The following CDK14 variants were observed in gnomAD, a reference collection of about 807,000 sequenced individuals.
The protein encoded by CDK14 is cyclin dependent kinase 14.
CDK14 carries 34 observed loss-of-function variants against 60.7 expected under a neutral mutation model. The observed-to-expected ratio is 0.56, with a 90% confidence interval of 0.43 to 0.75. The LOEUF (loss-of-function observed/expected upper bound fraction) is 0.75, where lower values mean the gene tolerates loss of function less well. Ranked by LOEUF, CDK14 falls within the 30% of genes least tolerant of loss-of-function variation. The probability of loss-of-function intolerance (pLI) is 0.00; values close to 1 mark genes in which losing one functional copy is unlikely to be tolerated. For synonymous variants in CDK14, 197 were observed against 203.7 expected (o/e 0.97, Z 0.28); for missense variants, 482 against 564.1 (o/e 0.85, Z 1.47).
intron 11 of CDK14, among the ~76,000 whole-genome samples, chr7:91,064,029 A>G (rs1255816663): frequency 6.6e-6 from 1 of 152,158 alleles, no homozygotes; most frequent in Non-Finnish European, 1.5e-5. Flanking sequence ...GCATGGAATG[A>G]TTAAGTAATC....
At chr7:91,023,200 C>G (rs1485104733) in intron 10 of CDK14, among the ~76,000 whole-genome samples, 1 of 152,112 alleles carries the variant, frequency 6.6e-6, no homozygotes, top group Non-Finnish European at 1.5e-5. Flanking sequence ...ATGTTCATGT[C>G]AAGACTTGTC....
chr7:90,757,161 T>A (rs1365819396), intron 4 of CDK14, among the ~76,000 whole-genome samples: 16 of 151,834 alleles, frequency 1.1e-4, no homozygotes, highest in Non-Finnish European at 1.5e-5. Context: ...ATTCCTGGCT[T>A]GCAGGTGCAT....
At chr7:91,206,330 G>A (rs1329633912) in intron 14 of CDK14, among the ~76,000 whole-genome samples, 3 of 152,180 alleles carry the variant, frequency 2.0e-5, no homozygotes, top group African/African-American at 7.2e-5. Context: ...GAGACATGAA[G>A]GCCTCACCAG....
chr7:90,674,241 A>G (rs574643004), intron 2 of CDK14, among the ~76,000 whole-genome samples: 6 of 152,356 alleles, frequency 3.9e-5, no homozygotes, highest in East Asian at 3.9e-4. Flanking sequence ...ACAGCCATGT[A>G]TTAATTACTG....
chr7:91,028,110 T>A (rs1796652546), intron 10 of CDK14, among the ~76,000 whole-genome samples: 1 of 150,560 alleles, frequency 6.6e-6, no homozygotes, highest in Non-Finnish European at 1.5e-5. Flanking sequence ...TGCATACCTA[T>A]AGCTTAGCTC....
intron 12 of CDK14, among the ~76,000 whole-genome samples, chr7:91,093,239 C>G (rs1798882666): frequency 6.6e-6 from 1 of 152,096 alleles, no homozygotes; most frequent in African/African-American, 2.4e-5. Context: ...TGAGGATGAC[C>G]AAGTAGAAAG....
chr7:90,929,209 T>C (rs1793515480), intron 8 of CDK14, among the ~76,000 whole-genome samples: 1 of 152,232 alleles, frequency 6.6e-6, no homozygotes, highest in South Asian at 2.1e-4. Flanking sequence ...CTCCGTGGGC[T>C]GCACCCAGTG....
At chr7:91,005,253 C>G (rs540183715) in intron 10 of CDK14, among the ~76,000 whole-genome samples, 45 of 152,352 alleles carry the variant, frequency 3.0e-4, no homozygotes, top group Non-Finnish European at 7.3e-5. Context: ...CTGACAAGGG[C>G]TGGAAAGCTG....
intron 10 of CDK14, among the ~76,000 whole-genome samples, chr7:90,993,762 TA>T (rs1395046628): frequency 6.6e-6 from 1 of 152,236 alleles, no homozygotes; most frequent in Non-Finnish European, 1.5e-5. Flanking sequence ...ATCTATTTTT[TA>T]TCTGAGACAT....
At chr7:90,945,397 T>G (rs1351040026) in intron 8 of CDK14, among the ~76,000 whole-genome samples, 1 of 152,168 alleles carries the variant, frequency 6.6e-6, no homozygotes, top group South Asian at 2.1e-4. Context: ...GGGTGTTCGA[T>G]GAAGGGACTG....
intron 9 of CDK14, among the ~76,000 whole-genome samples, chr7:90,977,545 TAGG>T (rs1166256338): frequency 6.6e-6 from 1 of 152,102 alleles, no homozygotes; most frequent in Non-Finnish European, 1.5e-5. Context: ...GCTTTAAGAC[TAGG>T]AGATCAATTT....
At chr7:90,709,476 C>A in intron 2 of CDK14, 3 of 1,588,912 alleles carry the variant, frequency 1.9e-6, no homozygotes, top group Non-Finnish European at 2.6e-6. Flanking sequence ...TCTTCTGAAG[C>A]AGCCCTGCAT....
At chr7:90,752,599 A>G (rs1803890486) in intron 4 of CDK14, among the ~76,000 whole-genome samples, 1 of 152,202 alleles carries the variant, frequency 6.6e-6, no homozygotes, top group Admixed American at 6.5e-5. Flanking sequence ...CTCCTAGAGG[A>G]ACTAGAAAAA....
chr7:90,989,199 C>T (rs1411593568), intron 10 of CDK14, among the ~76,000 whole-genome samples: 1 of 152,130 alleles, frequency 6.6e-6, no homozygotes, highest in African/African-American at 2.4e-5. Context: ...GTCTTTAGAA[C>T]TGGAACCATA....
At position 91,062,212 on chromosome 7, in the gene CDK14, C is replaced by A. The variant is rs570879428; in HGVS notation, c.1105+16252C>A. ...GACCCTCCGAGCCAGGTGTGGGATA[C>A]AATGTCCTGGTGTGACGTTTGCTAA... On this transcript the variant is annotated intron_variant, in intron 11 of 14. Transcript: ENST00000380050. Among the ~76,000 whole-genome samples, 3 of 152,288 alleles carry A rather than the reference C, an allele frequency of 2.0e-5. No homozygotes were observed. The South Asian group carries it at 6.2e-4, about 32-fold the overall frequency.
rs561299213 is a variant in CDK14 at position 90,811,308 on chromosome 7, C to T, written c.544+20656C>T. Among the ~76,000 whole-genome samples, 531 of 151,574 alleles carry T rather than the reference C, an allele frequency of 3.5e-3. 3 individuals carry two copies. Among genetic ancestry groups the T allele is most frequent in the Non-Finnish European group, 4.5e-3 (305 of 67,864 alleles). ...AACAGAACAGAGCCCTCAGAAATAA[C>T]GCCGCATATCTACAACTATCTGATC... On this transcript the variant is annotated intron_variant, in intron 5 of 14. Transcript: ENST00000380050.
intron 1 of CDK14, among the ~76,000 whole-genome samples, chr7:90,601,765 C>A (rs574659444): frequency 7.3e-5 from 11 of 151,402 alleles, no homozygotes; most frequent in Non-Finnish European, 1.6e-4. Flanking sequence ...TTTTTTTTGG[C>A]GGCAGAGGAA....
chr7:91,110,613 C>G (rs1799443148), intron 12 of CDK14, among the ~76,000 whole-genome samples: 1 of 152,180 alleles, frequency 6.6e-6, no homozygotes. Flanking sequence ...CCAACTATCG[C>G]AATCACCTTT....
chr7:90,719,764 G>A (rs1272660862), intron 2 of CDK14, among the ~76,000 whole-genome samples: 1 of 152,106 alleles, frequency 6.6e-6, no homozygotes, highest in Non-Finnish European at 1.5e-5. Context: ...CTTTTTATAT[G>A]TTTTCGAATA....
Sources: gnomAD v4.1 joint callset for allele counts (sites outside exome capture counted in the v4.1 genomes callset) on GRCh38, gnomAD v4.1.1 for gene constraint, MANE v1.5 for transcripts, NCBI Gene and HGNC (gene_info 2026-07-23, HGNC 2026-07-21) for gene names.